Variants in UIMC1 observed in about 807,000 individuals in gnomAD.
UIMC1 encodes the protein BRCA1-A complex subunit RAP80.
A neutral mutation model predicts 84.9 loss-of-function variants in UIMC1; 42 were observed. The ratio of observed to expected loss-of-function variants is 0.49; its 90% CI spans 0.39 to 0.64. The LOEUF is 0.64. UIMC1 is among the 30% of genes least tolerant of loss of function. UIMC1 has a pLI of 0.00. For missense variants in UIMC1, 825 were observed against 847.6 expected, an observed-to-expected ratio of 0.97 and a Z score of 0.33; for synonymous variants, 281 against 293.0, an observed-to-expected ratio of 0.96 and a Z score of 0.42.
At chr5:176,991,372 T>C (rs1256052478) in intron 1 of UIMC1, among the ~76,000 whole-genome samples, 2 of 151,866 alleles carry the variant, frequency 1.3e-5, no homozygotes, top group Non-Finnish European at 2.9e-5. Context: ...TAATGAAGAC[T>C]ACCCAAAGAG....
chr5:177,016,237 G>C (rs1403579147), intron 1 of UIMC1, among the ~76,000 whole-genome samples: 1 of 151,742 alleles, frequency 6.6e-6, no homozygotes, highest in Non-Finnish European at 1.5e-5. Flanking sequence ...GGTGGCTGGT[G>C]CCTGTAATCC....
At chr5:176,983,646 G>A (rs574473563) in intron 1 of UIMC1, among the ~76,000 whole-genome samples, 73 of 152,240 alleles carry the variant, frequency 4.8e-4, no homozygotes, top group East Asian at 1.5e-3. Flanking sequence ...GCCTCTGCCC[G>A]CCCGCCACCC....
In UIMC1 at chr5:176,911,313, G is replaced by T; in HGVS notation, c.1674C>A (p.Asp558Glu). 6.3e-7 allele frequency: 1 copy of T among 1,594,096 alleles called. No individual in the cohort carries two copies. ...GTAAQTSLDIDKNEKCYLCKS... is the reference protein window; with the variant it reads ...GTAAQTSLDIEKNEKCYLCKS... ...GTGAATGCAGCATACCTACTTACTT[G>T]TCAATGTCTAGAGAAGTCTGGGCAG... Residue 558 changes from aspartate to glutamate, a missense_variant and splice_region_variant, in exon 11 of 15, where the codon GAC becomes GAA. Coordinates refer to ENST00000511320, the MANE Select transcript of UIMC1 (RefSeq NM_001199298.2).
intron 6 of UIMC1, among the ~76,000 whole-genome samples, chr5:176,966,924 C>T (rs763429570): frequency 6.6e-6 from 1 of 152,142 alleles, no homozygotes; most frequent in Non-Finnish European, 1.5e-5. Flanking sequence ...GGGTCTTAGA[C>T]ATGTGAGAAA....
At chr5:176,974,786 C>T (rs10069461) in intron 3 of UIMC1, among the ~76,000 whole-genome samples, 14,853 of 151,330 alleles carry the variant, frequency 0.098, 1,522 homozygotes, top group African/African-American at 0.26. Flanking sequence ...ACACTCAGCC[C>T]GGGTGACAGA....
chr5:177,021,621 T>A (rs1561946547), intron 1 of UIMC1, among the ~76,000 whole-genome samples: 1 of 151,454 alleles, frequency 6.6e-6, no homozygotes, highest in Non-Finnish European at 1.5e-5. Flanking sequence ...GAAGTCAGAT[T>A]GTACAGGGCC....
chr5:177,020,614 G>A (rs999795765), intron 1 of UIMC1, among the ~76,000 whole-genome samples: 6 of 152,084 alleles, frequency 3.9e-5, no homozygotes, highest in Non-Finnish European at 4.4e-5. Flanking sequence ...TGTATTTTTA[G>A]TAGAAACGGA....
chr5:177,001,519 G>A (rs1176438858), intron 1 of UIMC1: 2 of 152,022 alleles, frequency 1.3e-5, no homozygotes, highest in African/African-American at 2.4e-5. Context: ...AGCACAGAAC[G>A]TTATCTTAGG....
intron 1 of UIMC1, among the ~76,000 whole-genome samples, chr5:177,015,563 T>C (rs541568626): frequency 7.0e-4 from 106 of 152,290 alleles, no homozygotes; most frequent in African/African-American, 2.4e-3. Context: ...CCTTATCTGT[T>C]TACTCTAACA....
At chr5:176,991,987 T>C (rs1772928849) in intron 1 of UIMC1, among the ~76,000 whole-genome samples, 1 of 152,018 alleles carries the variant, frequency 6.6e-6, no homozygotes, top group African/African-American at 2.4e-5. Flanking sequence ...CCAGGTGTGG[T>C]GGTGCACACC....
chr5:177,012,648 G>A (rs550328595), intron 1 of UIMC1, among the ~76,000 whole-genome samples: 10 of 151,836 alleles, frequency 6.6e-5, no homozygotes, highest in South Asian at 4.2e-4. Context: ...AGCTGAGATC[G>A]CGCCACTGCA....
chr5:176,931,200 A>C (rs1763044521), intron 10 of UIMC1, among the ~76,000 whole-genome samples: 1 of 152,186 alleles, frequency 6.6e-6, no homozygotes, highest in South Asian at 2.1e-4. Flanking sequence ...TGTGGCTCTA[A>C]GATAGTTCCA....
At chr5:176,969,892 A>T in intron 4 of UIMC1, 186 bp from the exon 5 acceptor site, 1 of 544,514 alleles carries the variant, frequency 1.8e-6, no homozygotes. Context: ...CTAGATCACT[A>T]TACTAAACCC....
intron 14 of UIMC1, 40 bp from the exon 15 acceptor site, chr5:176,905,532 A>G (rs745706990): frequency 1.9e-6 from 3 of 1,583,150 alleles, no homozygotes; most frequent in Middle Eastern, 4.1e-4. Context: ...ATATACACCT[A>G]CTAAGCATCA....
upstream of UIMC1, among the ~76,000 whole-genome samples, chr5:177,008,677 T>C (rs1445567525): frequency 1.3e-5 from 2 of 152,160 alleles, no homozygotes; most frequent in Non-Finnish European, 2.9e-5. Context: ...AAGATGGCCC[T>C]AGATCCCACA....
Position 176,970,727 on chromosome 5 carries a change from A to G in UIMC1, c.357+15T>C. On this transcript the variant is annotated intron_variant, in intron 4 of 14. Transcript: ENST00000511320. ...TGATCAATCTCCACAAACTTTTGCA[A>G]CATGGCATATTTACATTCAGGCTTT... 6.2e-7 allele frequency: 1 copy of G among 1,614,002 alleles called. No individual in the cohort carries two copies. Among genetic ancestry groups the G allele is most frequent in the South Asian group, 1.1e-5 (1 of 91,088 alleles).
In UIMC1 at chr5:176,929,068, A is replaced by G. The variant is rs1301097604; in HGVS notation, c.1597+14267T>C. Among the ~76,000 whole-genome samples, 3 of 151,716 alleles carry G rather than the reference A, an allele frequency of 2.0e-5. No individual in the cohort carries two copies. The East Asian group carries it at 5.8e-4, about 29-fold the overall frequency. On this transcript the variant is annotated intron_variant, in intron 10 of 14. Transcript: ENST00000511320. Reference sequence around the variant, plus strand: ...GGAGTTTGAGACCAGCCTGGCCAATATAGTGAAACCCTGTCTCTACTAATA... The same window carrying G: ...GGAGTTTGAGACCAGCCTGGCCAATGTAGTGAAACCCTGTCTCTACTAATA...
intron 10 of UIMC1, among the ~76,000 whole-genome samples, chr5:176,928,357 A>AT (rs1055745308): frequency 1.2e-4 from 19 of 152,088 alleles, no homozygotes; most frequent in South Asian, 2.1e-4. Flanking sequence ...TTAAGAGTAC[A>AT]TTTTCTGAGG....
intron 1 of UIMC1, among the ~76,000 whole-genome samples, chr5:176,994,510 TAAAAAAAAA>T (rs58699518): frequency 8.0e-5 from 11 of 138,350 alleles, no homozygotes; most frequent in Non-Finnish European, 1.7e-4. Context: ...GCAGTTTCTT[TAAAAAAAAA>T]AAAAAAAAAA....
Sources: allele counts gnomAD v4.1 joint callset (sites outside exome capture counted in the v4.1 genomes callset), GRCh38; gene constraint gnomAD v4.1.1; transcripts MANE v1.5; gene names NCBI Gene and HGNC (gene_info 2026-07-23, HGNC 2026-07-21).